Variants in LRP1 observed in about 807,000 individuals in gnomAD.
LRP1 encodes the protein prolow-density lipoprotein receptor-related protein 1.
Under a neutral mutation model 541.5 loss-of-function variants are expected in LRP1, and 51 were observed. The observed-to-expected ratio is 0.09, with a 90% CI of 0.08 to 0.12. The LOEUF is 0.12. LRP1 is among the 10% of genes least tolerant of loss of function. LRP1 has a pLI of 1.00. For missense variants in LRP1, 3,878 were observed against 6,376.2 expected, an observed-to-expected ratio of 0.61 and a Z score of 13.34; for synonymous variants, 2,219 against 2,470.8, an observed-to-expected ratio of 0.90 and a Z score of 3.02.
Position 57,201,455 on chromosome 12 carries a change from C to T in LRP1, c.10346-42C>T. On this transcript the variant is annotated intron_variant, in intron 65 of 88. Coordinates refer to ENST00000243077, the MANE Select transcript of LRP1 (RefSeq NM_002332.3). This position sits in a 1 kb window ranked among gnomAD's most constrained non-coding sequence, Gnocchi z 6.4. ...AGACAGTGATGGTGAACTGGAGTGG[C>T]AGGTGTAAGGGAGGGCCCTCATTCT... 1 of 1,571,672 alleles carries T rather than the reference C, an allele frequency of 6.4e-7. No homozygotes were observed. The highest frequency in any genetic ancestry group is 8.7e-7 in the Non-Finnish European group (1 of 1,154,242).
At position 57,201,498 on chromosome 12, in the gene LRP1, C is replaced by T. The variant is rs1423891630; in HGVS notation, c.10347C>T (p.Pro3449=). The T allele has an allele frequency of 6.8e-6, 11 of 1,610,788 alleles. No individual in the cohort carries two copies. Among genetic ancestry groups the T allele is most frequent in the South Asian group, 1.1e-5 (1 of 90,762 alleles). Residue 3449 remains proline (P), a splice_region_variant and synonymous_variant, in exon 66 of 89, where the codon CCC becomes CCT. Coordinates refer to ENST00000243077, the MANE Select transcript of LRP1 (RefSeq NM_002332.3). This position sits in a 1 kb window ranked among gnomAD's most constrained non-coding sequence, Gnocchi z 6.4. ...CGDGEDERDC[P]EVTCAPNQFQ... The stretch of plus-strand genomic sequence containing the variant: ...CTCATTCTCTTGCCCACCCCACAGC[C>T]GAGGTGACCTGCGCCCCCAACCAGT...
Position 57,179,183 on chromosome 12 carries a change from A to AGG in LRP1, c.4739-141_4739-140dup. 8.4e-7 allele frequency: 1 copy of AGG among 1,188,176 alleles called. No individual in the cohort carries two copies. The highest frequency in any genetic ancestry group is 1.5e-5 in the African/African-American group (1 of 65,770). The allele number at this position is 1,188,176 out of a possible 1,614,324, so 73.6% of individuals were successfully genotyped here. Reference sequence around the variant, plus strand: ...TGTGAGAAGGGGCTGCAGGTCTGCCAGGGGGGCTGCACCCAGCGGGGTATG... The same window carrying AGG: ...TGTGAGAAGGGGCTGCAGGTCTGCCAGGGGGGGGCTGCACCCAGCGGGGTATG... On this transcript the variant is annotated intron_variant, in intron 28 of 88. Transcript: ENST00000243077. This position sits in a 1 kb window ranked among gnomAD's most constrained non-coding sequence, Gnocchi z 6.8.
At chr12:57,192,821 T>C (rs1426313061) in intron 44 of LRP1, 24 bp from the exon 45 acceptor site, 2 of 1,613,836 alleles carry the variant, frequency 1.2e-6, no homozygotes, top group East Asian at 4.5e-5. Context: ...TCTCCAGCCC[T>C]GCGCCCACCC....
Position 57,195,775 on chromosome 12 carries a change from A to C in LRP1, c.8555A>C (p.Glu2852Ala), listed in dbSNP as rs2036518656. The C allele has an allele frequency of 6.2e-7, 1 of 1,614,030 alleles. No homozygotes were observed. Among genetic ancestry groups the C allele is most frequent in the Middle Eastern group, 1.6e-4 (1 of 6,062 alleles). Residue 2852 changes from glutamate (E) to alanine (A), a missense_variant, in exon 53 of 89, where the codon GAG becomes GCG. Glu to Ala is a moderately radical substitution (Grantham distance 107). This residue lies in a region of LRP1 where 1,100 missense variants were observed against 1,827.4 expected (regional missense o/e 0.60). Transcript: ENST00000243077. ...GCAGATGGCTCTGATGAGTCCCCCG[A>C]GTGTGGTGAGCCTTCGGCGGTGGTG... is the stretch of plus-strand genomic sequence containing the variant. ...DCADGSDESP[E>A]CEYPTCGPSE...
At position 57,197,496 on chromosome 12, in the gene LRP1, C is replaced by G; in HGVS notation, c.9163-49C>G. 1.2e-6 allele frequency: 2 copies of G among 1,613,684 alleles called. No individual in the cohort carries two copies. Among genetic ancestry groups the G allele is most frequent in the Non-Finnish European group, 1.7e-6 (2 of 1,179,800 alleles). On this transcript the variant is annotated intron_variant, in intron 57 of 88. Coordinates refer to ENST00000243077, the MANE Select transcript of LRP1 (RefSeq NM_002332.3). The surrounding 1 kb of genome is among the most constrained non-coding windows in gnomAD (Gnocchi z 4.5). The stretch of plus-strand genomic sequence containing the variant: ...ATCCCTCCCCCAGATGCAAATGTGG[C>G]CCCTGTTGCCACAACCGACTTCTGC...
At chr12:57,190,724 G>C (rs1257053629) in intron 42 of LRP1, 81 bp from the exon 43 acceptor site, 1 of 1,342,868 alleles carries the variant, frequency 7.4e-7, no homozygotes, top group African/African-American at 1.4e-5. Context: ...CCAGGTTCCA[G>C]GTGCCTACGC....
intron 43 of LRP1, 34 bp downstream of exon 43, chr12:57,191,043 C>T (rs1468414218): frequency 6.3e-7 from 1 of 1,584,164 alleles, no homozygotes; most frequent in South Asian, 1.1e-5. Context: ...TGGCGGGCGG[C>T]TGAGGGGAGG....
Position 57,173,465 on chromosome 12 carries a change from G to A in LRP1, c.3346+115G>A. 1.7e-6 allele frequency: 2 copies of A among 1,204,172 alleles called. No individual in the cohort carries two copies. Among genetic ancestry groups the A allele is most frequent in the Admixed American group, 2.3e-5 (1 of 43,276 alleles). 74.6% of individuals were successfully genotyped at this position (1,204,172 alleles called of 1,614,324 possible). A position where few individuals can be genotyped will look rare whatever the true frequency, so the allele number is the denominator to read the frequency against. On this transcript the variant is annotated intron_variant, in intron 21 of 88. Transcript: ENST00000243077. The surrounding 1 kb of genome is among the most constrained non-coding windows in gnomAD (Gnocchi z 4.7). ...CACTGTGCTGTGTGGAGTGGTGCTG[G>A]GGACAGTGCAAGGCAAAAGGCAGTC...
In LRP1 at chr12:57,211,386, G is replaced by A. The variant is rs374733695; in HGVS notation, c.13091+36G>A. On this transcript the variant is annotated intron_variant, in intron 84 of 88. Coordinates refer to ENST00000243077, the MANE Select transcript of LRP1 (RefSeq NM_002332.3). This position sits in a 1 kb window ranked among gnomAD's most constrained non-coding sequence, Gnocchi z 4.3. ...CCCTCCTCCACAGTTCCACCCAGCT[G>A]GGCCCCTGCCCTGTCCTAGCCCTGC... is the stretch of plus-strand genomic sequence containing the variant. 3.7e-6 allele frequency: 6 copies of A among 1,610,480 alleles called. No individual in the cohort carries two copies. The highest frequency in any genetic ancestry group is 3.3e-5 in the Admixed American group (2 of 59,942).
At position 57,179,151 on chromosome 12, in the gene LRP1, C is replaced by G; in HGVS notation, c.4738+130C>G. On this transcript the variant is annotated intron_variant, in intron 28 of 88. Transcript: ENST00000243077. The surrounding 1 kb of genome is among the most constrained non-coding windows in gnomAD (Gnocchi z 6.8). Reference sequence around the variant, plus strand: ...GTCCCGATAGGAGAGGCTCCAGAGACAGCCACTGTGAGAAGGGGCTGCAGG... The same window carrying G: ...GTCCCGATAGGAGAGGCTCCAGAGAGAGCCACTGTGAGAAGGGGCTGCAGG... 1 of 1,361,890 alleles carries G rather than the reference C, an allele frequency of 7.3e-7. No homozygotes were observed. The highest frequency in any genetic ancestry group is 2.4e-5 in the East Asian group (1 of 40,930). 84.4% of individuals were successfully genotyped at this position (1,361,890 alleles called of 1,614,324 possible).
In LRP1 at chr12:57,211,117, C is replaced by T; in HGVS notation, c.12917-59C>T. On this transcript the variant is annotated intron_variant, in intron 83 of 88. Transcript: ENST00000243077. This position sits in a 1 kb window ranked among gnomAD's most constrained non-coding sequence, Gnocchi z 4.3. ...TGCAAACAGAAAAGCTCTGTTCAAC[C>T]TATGGAGAGCCCTCATGAGGGTGGG... is the stretch of plus-strand genomic sequence containing the variant. The T allele has an allele frequency of 6.4e-7, 1 of 1,571,352 alleles. No individual in the cohort carries two copies. Among genetic ancestry groups the T allele is most frequent in the Non-Finnish European group, 8.7e-7 (1 of 1,146,868 alleles).
Position 57,200,826 on chromosome 12 carries a change from G to GACCCCCCC in LRP1, c.10225+11_10225+12insACCCCCCC. 12 of 1,581,432 alleles carry GACCCCCCC rather than the reference G, an allele frequency of 7.6e-6. No homozygotes were observed. The highest frequency in any genetic ancestry group is 1.1e-5 in the South Asian group (1 of 89,998). On this transcript the variant is annotated intron_variant, in intron 64 of 88. Transcript: ENST00000243077. The stretch of plus-strand genomic sequence containing the variant: ...ACGAGGCCAACTGTGGTAAGGCGCT[G>GACCCCCCC]CCCGCCCACCCTCCCTCCTTCCCCA...
intron 50 of LRP1, 89 bp from the exon 51 acceptor site, chr12:57,194,896 C>G: frequency 8.3e-7 from 1 of 1,203,276 alleles, no homozygotes; most frequent in Non-Finnish European, 1.2e-6. Flanking sequence ...GTGCTGTGGG[C>G]ATCTCTCCTG....
At chr12:57,151,226 G>C (rs2035519890) in intron 6 of LRP1, among the ~76,000 whole-genome samples, 1 of 152,172 alleles carries the variant, frequency 6.6e-6, no homozygotes, top group African/African-American at 2.4e-5. Context: ...AGAAAAGCTG[G>C]AGTTGTAGTG....
chr12:57,157,241 C>T (rs946949116), intron 10 of LRP1, among the ~76,000 whole-genome samples: 2 of 152,198 alleles, frequency 1.3e-5, no homozygotes, highest in Middle Eastern at 3.2e-3. Flanking sequence ...TGTCCCTGGC[C>T]TCATGGAGCT....
chr12:57,141,259 C>A, intron 2 of LRP1, 115 bp from the exon 3 acceptor site: 1 of 1,209,490 alleles, frequency 8.3e-7, no homozygotes. Context: ...TAACTAGCCC[C>A]GAGGCCTCCT....
At chr12:57,200,344 C>T (rs1447018693) in intron 62 of LRP1, 98 bp from the exon 63 acceptor site, 3 of 800,934 alleles carry the variant, frequency 3.7e-6, no homozygotes, top group Non-Finnish European at 6.4e-6. Context: ...ACCCTGACCC[C>T]TGCCTCAACT....
chr12:57,194,481 C>T lies in LRP1; in HGVS notation c.8046C>T (p.Tyr2682=), dbSNP rs2036483123. The T allele has an allele frequency of 6.2e-7, 1 of 1,601,024 alleles. No individual in the cohort carries two copies. Among genetic ancestry groups the T allele is most frequent in the Non-Finnish European group, 8.5e-7 (1 of 1,173,806 alleles). ...VCDGANDCGD[Y]SDERDCPGVK... ...ATGGCGCCAATGACTGTGGGGACTA[C>T]AGTGATGAGCGCGACTGCCCAGGTG... is the stretch of plus-strand genomic sequence containing the variant. Residue 2682 remains tyrosine (Y), a synonymous_variant, in exon 49 of 89, where the codon TAC becomes TAT. Coordinates refer to ENST00000243077, the MANE Select transcript of LRP1 (RefSeq NM_002332.3).
At position 57,211,695 on chromosome 12, in the gene LRP1, G is replaced by A. The variant is rs1473870246; in HGVS notation, c.13194-55G>A. 3 of 1,599,568 alleles carry A rather than the reference G, an allele frequency of 1.9e-6. No homozygotes were observed. In the African/African-American group the frequency reaches 4.0e-5, roughly 21 times the overall value. Reference sequence around the variant, plus strand: ...TGCCCACCCCCCGCCCTGTTTTCCTGGCAGCAGTGGCTATGGAGGTTATAC... The same window carrying A: ...TGCCCACCCCCCGCCCTGTTTTCCTAGCAGCAGTGGCTATGGAGGTTATAC... On this transcript the variant is annotated intron_variant, in intron 85 of 88. Transcript: ENST00000243077. This position sits in a 1 kb window ranked among gnomAD's most constrained non-coding sequence, Gnocchi z 4.3.
Sources: gnomAD v4.1 joint callset for allele counts (sites outside exome capture counted in the v4.1 genomes callset) on GRCh38, gnomAD v4.1.1 for gene constraint, gnomAD v4.1.1 regional missense constraint, Gnocchi (gnomAD v3.1) non-coding constraint, MANE v1.5 for transcripts, NCBI Gene and HGNC (gene_info 2026-07-23, HGNC 2026-07-21) for gene names.